Variants in RCAN2 observed in about 807,000 individuals in gnomAD.
RCAN2 encodes the protein regulator of calcineurin 2.
Under a neutral mutation model 23.6 loss-of-function variants are expected in RCAN2, and 9 were observed. The observed-to-expected ratio is 0.38, with a 90% CI of 0.23 to 0.67. The LOEUF (loss-of-function observed/expected upper bound fraction) is 0.67. Among genes scored for constraint, RCAN2 ranks in the 30% least tolerant of loss-of-function variants. The pLI is 0.51. For missense variants in RCAN2, 273 were observed against 302.3 expected, an observed-to-expected ratio of 0.90 and a Z score of 0.72; for synonymous variants, 109 against 115.7, an observed-to-expected ratio of 0.94 and a Z score of 0.37.
intron 2 of RCAN2, among the ~76,000 whole-genome samples, chr6:46,412,725 TTGTGA>T (rs1766583247): frequency 2.0e-5 from 3 of 151,824 alleles, no homozygotes; most frequent in African/African-American, 7.3e-5. Context: ...AACACGAAGG[TTGTGA>T]TTGCTTTGAT....
intron 2 of RCAN2, among the ~76,000 whole-genome samples, chr6:46,398,578 C>T (rs925155656): frequency 1.3e-5 from 2 of 152,024 alleles, no homozygotes; most frequent in Non-Finnish European, 2.9e-5. Flanking sequence ...TTTATGGCTG[C>T]GAGTTTAACA....
intron 2 of RCAN2, among the ~76,000 whole-genome samples, chr6:46,280,478 C>A (rs1248589470): frequency 3.4e-5 from 5 of 147,566 alleles, no homozygotes. Context: ...ATTAGAAGAC[C>A]ACACACACAC....
At chr6:46,274,789 A>G (rs537736173) in intron 2 of RCAN2, among the ~76,000 whole-genome samples, 1 of 152,304 alleles carries the variant, frequency 6.6e-6, no homozygotes, top group East Asian at 1.9e-4. Context: ...CTAGAGTGTA[A>G]TGGAAGAACC....
intron 2 of RCAN2, among the ~76,000 whole-genome samples, chr6:46,364,864 T>C (rs1765120995): frequency 6.6e-6 from 1 of 152,128 alleles, no homozygotes; most frequent in South Asian, 2.1e-4. Flanking sequence ...TCTCGCTCAC[T>C]TTGCACCAGC....
rs116598359 is a variant in RCAN2 at position 46,410,043 on chromosome 6, A to G, written c.225+46709T>C. ...TCTCTCTCTCTCCTGGAGCAGGGAC[A>G]CTCTTCTTCTCCTACCCTTGGACAT... On this transcript the variant is annotated intron_variant, in intron 2 of 4. Coordinates refer to ENST00000371374, the MANE Select transcript of RCAN2 (RefSeq NM_001251974.2). 5.4e-3 allele frequency among the ~76,000 whole-genome samples: 814 copies of G among 151,914 alleles called. 11 individuals are homozygous for G. The highest frequency in any genetic ancestry group is 0.018 in the African/African-American group (755 of 41,418).
Position 46,251,401 on chromosome 6 carries a change from G to A in RCAN2, c.226-2505C>T, listed in dbSNP as rs541612014. On this transcript the variant is annotated intron_variant, in intron 2 of 4. Transcript: ENST00000371374. The stretch of plus-strand genomic sequence containing the variant: ...TTAGTTTGGGAAGTTTTCAGGAATA[G>A]GAGAATTAAGAGATTAAAAACTCTT... Among the ~76,000 whole-genome samples the A allele has an allele frequency of 2.0e-4, 31 of 152,300 alleles. 1 individual carries two copies. The highest frequency in any genetic ancestry group is 7.5e-4 in the African/African-American group (31 of 41,572).
At chr6:46,458,896 C>CGT (rs1554142879) in intron 1 of RCAN2, among the ~76,000 whole-genome samples, 17 of 150,110 alleles carry the variant, frequency 1.1e-4, no homozygotes, top group Admixed American at 4.0e-4. Flanking sequence ...CGCGCGCGCA[C>CGT]GTGTGTGTGT....
chr6:46,234,910 C>T (rs1766038049), intron 4 of RCAN2, among the ~76,000 whole-genome samples: 1 of 152,056 alleles, frequency 6.6e-6, no homozygotes, highest in Non-Finnish European at 1.5e-5. Flanking sequence ...GGCTGTTTCC[C>T]ATTCTCAGGA....
At chr6:46,248,653 C>A in intron 3 of RCAN2, 70 bp downstream of exon 3, 2 of 1,252,596 alleles carry the variant, frequency 1.6e-6, no homozygotes, top group Admixed American at 5.1e-5. Flanking sequence ...GAAAGGGCTT[C>A]ATTTACATTT....
intron 4 of RCAN2, among the ~76,000 whole-genome samples, chr6:46,233,524 T>C (rs1765972211): frequency 6.6e-6 from 1 of 152,164 alleles, no homozygotes; most frequent in African/African-American, 2.4e-5. Flanking sequence ...GAAAGGAATC[T>C]GCAGCAGAGA....
At chr6:46,482,327 A>G (rs1768884900) in intron 1 of RCAN2, among the ~76,000 whole-genome samples, 1 of 152,086 alleles carries the variant, frequency 6.6e-6, no homozygotes, top group Non-Finnish European at 1.5e-5. Context: ...TGGAAAAGGA[A>G]TAATATCTCT....
At chr6:46,479,524 C>T (rs970328111) in intron 1 of RCAN2, among the ~76,000 whole-genome samples, 1 of 151,194 alleles carries the variant, frequency 6.6e-6, no homozygotes, top group African/African-American at 2.4e-5. Flanking sequence ...AACCTCAACA[C>T]AGGTGTCTTG....
At chr6:46,401,359 C>T (rs1447858190) in intron 2 of RCAN2, among the ~76,000 whole-genome samples, 1 of 152,180 alleles carries the variant, frequency 6.6e-6, no homozygotes, top group Admixed American at 6.5e-5. Flanking sequence ...TTTGTCAGGG[C>T]CCACAAGGGT....
chr6:46,314,611 T>TTCCA (rs1763374589), intron 2 of RCAN2, among the ~76,000 whole-genome samples: 1 of 152,130 alleles, frequency 6.6e-6, no homozygotes, highest in Non-Finnish European at 1.5e-5. Context: ...TGAAGGTCAA[T>TTCCA]GTTGTAAATA....
At chr6:46,325,844 G>A (rs1763779365) in intron 2 of RCAN2, 1 of 985,164 alleles carries the variant, frequency 1.0e-6, no homozygotes, top group South Asian at 4.7e-5. Flanking sequence ...CGTTAGCTAG[G>A]AACTGAGTCA....
intron 4 of RCAN2, among the ~76,000 whole-genome samples, chr6:46,235,091 A>G (rs1283193220): frequency 2.0e-5 from 3 of 152,198 alleles, no homozygotes; most frequent in African/African-American, 7.2e-5. Context: ...CCACCTCTTA[A>G]ATTCTTTCTA....
intron 2 of RCAN2, among the ~76,000 whole-genome samples, chr6:46,448,237 A>G (rs1767770201): frequency 6.6e-6 from 1 of 151,888 alleles, no homozygotes; most frequent in Admixed American, 6.5e-5. Context: ...ACTTAGAAGA[A>G]ATGGATAAAT....
intron 4 of RCAN2, among the ~76,000 whole-genome samples, chr6:46,227,138 C>G (rs1028940245): frequency 6.6e-6 from 1 of 152,104 alleles, no homozygotes; most frequent in Non-Finnish European, 1.5e-5. Context: ...GGATGAAGCC[C>G]ACTTGATCAT....
intron 1 of RCAN2, among the ~76,000 whole-genome samples, chr6:46,458,313 T>A (rs997880167): frequency 1.3e-5 from 2 of 152,226 alleles, no homozygotes; most frequent in African/African-American, 4.8e-5. Context: ...CTCATAGTGA[T>A]GAGGTTATGT....
Sources: allele counts gnomAD v4.1 joint callset (sites outside exome capture counted in the v4.1 genomes callset), GRCh38; gene constraint gnomAD v4.1.1; transcripts MANE v1.5; gene names NCBI Gene and HGNC (gene_info 2026-07-23, HGNC 2026-07-21).